The following CACNA1D variants were observed in gnomAD, a reference collection of about 807,000 sequenced individuals.
The protein encoded by CACNA1D is voltage-dependent L-type calcium channel subunit alpha-1D.
Under a neutral mutation model 257.1 loss-of-function variants are expected in CACNA1D, and 55 were observed. That is an observed-to-expected ratio of 0.21 (90% confidence interval 0.17 to 0.27). The LOEUF (loss-of-function observed/expected upper bound fraction) is 0.27. Ranked by LOEUF, CACNA1D falls within the 10% of genes least tolerant of loss-of-function variation. CACNA1D has a pLI of 1.00. For synonymous variants in CACNA1D, 980 were observed against 1,014.9 expected, an observed-to-expected ratio of 0.97 and a Z score of 0.65; for missense variants, 1,876 against 2,784.0, an observed-to-expected ratio of 0.67 and a Z score of 7.34.
In CACNA1D at chr3:53,813,380, C is replaced by G. The variant is rs751568172; in HGVS notation, c.*1974C>G. ...GTCATTTGCCAGTGAGAGCCTCCGA[C>G]AGGGCAGGTACTGTGCCAGGGCAGC... On this transcript the variant is annotated 3_prime_UTR_variant, in exon 48 of 48. Coordinates refer to ENST00000350061, the MANE Select transcript of CACNA1D (RefSeq NM_001128840.3). The G allele has an allele frequency of 2.6e-5, 4 of 152,206 alleles. No individual in the cohort carries two copies. The highest frequency in any genetic ancestry group is 1.3e-4 in the Admixed American group (2 of 15,278). 9.4% of individuals were successfully genotyped at this position (152,206 alleles called of 1,614,324 possible).
At position 53,495,338 on chromosome 3, in the gene CACNA1D, G is replaced by A; in HGVS notation, c.67+105G>A. 1 of 1,381,342 alleles carries A rather than the reference G, an allele frequency of 7.2e-7. No individual in the cohort carries two copies. Among genetic ancestry groups the A allele is most frequent in the East Asian group, 2.3e-5 (1 of 43,684 alleles). 85.6% of individuals were successfully genotyped at this position (1,381,342 alleles called of 1,614,324 possible). ...CGCTGGATGGGTTGAGGGGGTTGGA[G>A]AGGGTGCTGCCAGCTCGGTGTCGTC... On this transcript the variant is annotated intron_variant, in intron 1 of 47. Transcript: ENST00000350061. This position sits in a 1 kb window ranked among gnomAD's most constrained non-coding sequence, Gnocchi z 5.1.
intron 5 of CACNA1D, 134 bp downstream of exon 5, chr3:53,660,409 C>G: frequency 1.3e-6 from 1 of 780,140 alleles, no homozygotes; most frequent in South Asian, 1.4e-5. Flanking sequence ...GCCTCCTTCA[C>G]AGTTGACAGG....
chr3:53,684,320 G>A (rs971279985), intron 8 of CACNA1D, among the ~76,000 whole-genome samples: 1 of 152,044 alleles, frequency 6.6e-6, no homozygotes, highest in African/African-American at 2.4e-5. Flanking sequence ...TTAAATGTCC[G>A]CTTTAAAAAC....
chr3:53,770,066 A>T, intron 31 of CACNA1D, 49 bp downstream of exon 31: 1 of 1,449,786 alleles, frequency 6.9e-7, no homozygotes, highest in African/African-American at 1.4e-5. Context: ...CCTTAAGTTT[A>T]TTTGACCATG....
At chr3:53,748,267 C>G (rs2095190541) in intron 26 of CACNA1D, among the ~76,000 whole-genome samples, 1 of 152,194 alleles carries the variant, frequency 6.6e-6, no homozygotes, top group African/African-American at 2.4e-5. Context: ...GCAAACACAC[C>G]TAGAGTCCTG....
chr3:53,770,867 G>A lies in CACNA1D; in HGVS notation c.4044+315G>A, dbSNP rs371323034. ...CCGGGATGCCTGGTGGTGGTGGTGA[G>A]TGCCAGGTCCCAGCAGACTGCCTGG... On this transcript the variant is annotated intron_variant, in intron 32 of 47. Transcript: ENST00000350061. Among the ~76,000 whole-genome samples the A allele has an allele frequency of 2.6e-4, 40 of 152,330 alleles. No individual in the cohort carries two copies. The East Asian group carries it at 4.4e-3, about 17-fold the overall frequency.
At chr3:53,798,318 TGTGTGTGTGC>T (rs1201448318) in intron 40 of CACNA1D, among the ~76,000 whole-genome samples, 64 of 149,266 alleles carry the variant, frequency 4.3e-4, no homozygotes, top group African/African-American at 8.7e-4. Flanking sequence ...CGTGTGTGTG[TGTGTGTGTGC>T]GTGTGTGTGC....
intron 3 of CACNA1D, among the ~76,000 whole-genome samples, chr3:53,559,233 T>C (rs1042324230): frequency 2.0e-5 from 3 of 152,346 alleles, no homozygotes; most frequent in Middle Eastern, 3.4e-3. Flanking sequence ...TTCCATTTAT[T>C]TTAAGAGTAT....
chr3:53,723,418 C>T lies in CACNA1D; in HGVS notation c.1667-16C>T. 1.2e-6 allele frequency: 2 copies of T among 1,601,494 alleles called. No homozygotes were observed. Among genetic ancestry groups the T allele is most frequent in the Non-Finnish European group, 1.7e-6 (2 of 1,168,474 alleles). On this transcript the variant is annotated splice_polypyrimidine_tract_variant and intron_variant, in intron 12 of 47. Coordinates refer to ENST00000350061, the MANE Select transcript of CACNA1D (RefSeq NM_001128840.3). The surrounding 1 kb of genome is among the most constrained non-coding windows in gnomAD (Gnocchi z 5.6). ...TGCAGGAGACCCTGAGGATGGGTGCCCCTTTGTCTTTCCAGATATTGCCAA... is the reference window on the plus strand; with the variant it reads ...TGCAGGAGACCCTGAGGATGGGTGCTCCTTTGTCTTTCCAGATATTGCCAA...
intron 3 of CACNA1D, among the ~76,000 whole-genome samples, chr3:53,556,384 T>C (rs1400418594): frequency 6.6e-6 from 1 of 152,244 alleles, no homozygotes; most frequent in Admixed American, 6.5e-5. Context: ...AGAGCTATAG[T>C]TGCTTCACAT....
At chr3:53,528,363 G>T (rs551161011) in intron 3 of CACNA1D, among the ~76,000 whole-genome samples, 4 of 152,172 alleles carry the variant, frequency 2.6e-5, no homozygotes, top group African/African-American at 9.6e-5. Flanking sequence ...TGTTTCTAGG[G>T]TCTCTGTTCT....
At chr3:53,603,489 G>A (rs912743428) in intron 3 of CACNA1D, among the ~76,000 whole-genome samples, 9 of 152,202 alleles carry the variant, frequency 5.9e-5, no homozygotes, top group East Asian at 3.8e-4. Flanking sequence ...TTTAAAGCAC[G>A]TAGAACAGTT....
chr3:53,724,567 G>T (rs1247834540), intron 14 of CACNA1D, among the ~76,000 whole-genome samples: 2 of 152,218 alleles, frequency 1.3e-5, no homozygotes, highest in Non-Finnish European at 2.9e-5. Flanking sequence ...GAAGGGAGCG[G>T]TGGTTGCAGA....
intron 3 of CACNA1D, among the ~76,000 whole-genome samples, chr3:53,564,392 C>G (rs1409085429): frequency 6.6e-6 from 1 of 152,152 alleles, no homozygotes; most frequent in African/African-American, 2.4e-5. Flanking sequence ...AACTCCTGAC[C>G]TCAAGTGATC....
At chr3:53,758,064 A>C (rs1228531012) in intron 29 of CACNA1D, among the ~76,000 whole-genome samples, 1 of 152,168 alleles carries the variant, frequency 6.6e-6, no homozygotes, top group Admixed American at 6.5e-5. Context: ...GGTGGAATGA[A>C]GAAAGGAATA....
chr3:53,691,063 T>C (rs986840780), intron 8 of CACNA1D, among the ~76,000 whole-genome samples: 6 of 152,180 alleles, frequency 3.9e-5, no homozygotes, highest in African/African-American at 1.2e-4. Context: ...TGTGATGATA[T>C]TGGTTTGGCT....
At chr3:53,538,360 T>C (rs1313364982) in intron 3 of CACNA1D, among the ~76,000 whole-genome samples, 1 of 152,102 alleles carries the variant, frequency 6.6e-6, no homozygotes, top group Non-Finnish European at 1.5e-5. Flanking sequence ...TTTCACTGTG[T>C]TGCCCAGGCT....
At chr3:53,657,748 C>T (rs1356694094) in intron 4 of CACNA1D, among the ~76,000 whole-genome samples, 1 of 152,204 alleles carries the variant, frequency 6.6e-6, no homozygotes, top group Non-Finnish European at 1.5e-5. Context: ...ACTACAGTTT[C>T]CAACTACAGT....
chr3:53,782,260 G>GTATATATATATATATATA (rs1462213888), intron 39 of CACNA1D: 4 of 46,282 alleles, frequency 8.6e-5, no homozygotes, highest in Non-Finnish European at 1.4e-4. Context: ...GTGTGTGTGT[G>GTATATATATATATATATA]TGTGTATATA....
Sources: gnomAD v4.1 joint callset for allele counts (sites outside exome capture counted in the v4.1 genomes callset) on GRCh38, gnomAD v4.1.1 for gene constraint, Gnocchi (gnomAD v3.1) non-coding constraint, MANE v1.5 for transcripts, NCBI Gene and HGNC (gene_info 2026-07-23, HGNC 2026-07-21) for gene names.